Variants in KCNIP4 observed in about 807,000 individuals in gnomAD.
KCNIP4 encodes potassium voltage-gated channel interacting protein 4.
In KCNIP4, 12 loss-of-function variants were observed where a neutral mutation model predicts 34.0. The observed-to-expected ratio is 0.35, with a 90% CI of 0.23 to 0.57. The LOEUF (loss-of-function observed/expected upper bound fraction) is 0.57. Ranked by LOEUF, KCNIP4 falls within the 20% of genes least tolerant of loss-of-function variation. The pLI, the probability that KCNIP4 is intolerant of heterozygous loss-of-function variation, is 0.83. For missense variants in KCNIP4, 238 were observed against 311.7 expected (o/e 0.76, Z 1.78); for synonymous variants, 124 against 102.2 (o/e 1.21, Z -1.29).
chr4:21,787,086 G>A (rs752518821), intron 1 of KCNIP4, among the ~76,000 whole-genome samples: 4 of 151,966 alleles, frequency 2.6e-5, no homozygotes, highest in Non-Finnish European at 4.4e-5. Context: ...TTGAACACCC[G>A]ACATAACACC....
chr4:21,787,012 A>G lies in KCNIP4; in HGVS notation c.61+161559T>C, dbSNP rs373266728. Among the ~76,000 whole-genome samples, 4 of 152,330 alleles carry G rather than the reference A, an allele frequency of 2.6e-5. No individual in the cohort carries two copies. In the East Asian group the frequency reaches 7.7e-4, roughly 29 times the overall value. ...GATAAAACGAGATAAATATGTGTAT[A>G]GACAGTTTGAGCATCCCTAATCTGA... On this transcript the variant is annotated intron_variant, in intron 1 of 8. Coordinates refer to ENST00000382152, the MANE Select transcript of KCNIP4 (RefSeq NM_025221.6).
At position 20,999,139 on chromosome 4, in the gene KCNIP4, A is replaced by G. The variant is rs536314736; in HGVS notation, c.62-116430T>C. Among the ~76,000 whole-genome samples, 24 of 152,326 alleles carry G rather than the reference A, an allele frequency of 1.6e-4. No homozygotes were observed. In the South Asian group the frequency reaches 4.8e-3, roughly 30 times the overall value. On this transcript the variant is annotated intron_variant, in intron 1 of 8. Transcript: ENST00000382152. ...CATCATCTGAACAGAGCTCTTAAGT[A>G]TGAGCAGGGTCAGACAAAGATAGGA...
chr4:21,890,358 A>C (rs28542864), intron 1 of KCNIP4, among the ~76,000 whole-genome samples: 13,076 of 152,042 alleles, frequency 0.086, 1,893 homozygotes, highest in African/African-American at 0.3. Context: ...ATATGCTCTA[A>C]CTCTTGTGTA....
intron 3 of KCNIP4, among the ~76,000 whole-genome samples, chr4:20,791,396 ATT>A (rs1288165951): frequency 6.6e-6 from 1 of 152,144 alleles, no homozygotes; most frequent in East Asian, 1.9e-4. Context: ...TAAATAAAAT[ATT>A]TGTCTTTATT....
chr4:21,771,107 T>A (rs1341322438), intron 1 of KCNIP4, among the ~76,000 whole-genome samples: 1 of 152,192 alleles, frequency 6.6e-6, no homozygotes. Flanking sequence ...CCATCTTGAG[T>A]TGATTTTTGT....
chr4:21,742,640 G>T (rs1461342294), intron 1 of KCNIP4, among the ~76,000 whole-genome samples: 1 of 152,164 alleles, frequency 6.6e-6, no homozygotes, highest in East Asian at 1.9e-4. Flanking sequence ...ATTTGGTCAA[G>T]TTAATGGTAT....
chr4:21,516,763 G>C (rs1044030931), intron 1 of KCNIP4, among the ~76,000 whole-genome samples: 1 of 152,138 alleles, frequency 6.6e-6, no homozygotes, highest in South Asian at 2.1e-4. Context: ...AGCAACACAT[G>C]AAGTTTAGGA....
intron 1 of KCNIP4, among the ~76,000 whole-genome samples, chr4:20,892,381 ATCTG>A (rs1726009875): frequency 1.3e-5 from 2 of 151,820 alleles, no homozygotes; most frequent in Middle Eastern, 3.4e-3. Flanking sequence ...CCATCTCTCT[ATCTG>A]TCTTTCTGTC....
chr4:21,783,365 G>A (rs1719693721), intron 1 of KCNIP4, among the ~76,000 whole-genome samples: 1 of 151,752 alleles, frequency 6.6e-6, no homozygotes, highest in Non-Finnish European at 1.5e-5. Flanking sequence ...GAGAAACAAA[G>A]CACCAGAGAG....
rs1711829208 is a variant in KCNIP4 at position 21,302,319 on chromosome 4, C to T, written c.62-419610G>A. On this transcript the variant is annotated intron_variant, in intron 1 of 8. Transcript: ENST00000382152. ...CCAAATCCAGATTCAAAGCCTTCCA[C>T]ACAAGAGCTGAAAGAATGGCCACAC... Among the ~76,000 whole-genome samples, 6 of 152,256 alleles carry T rather than the reference C, an allele frequency of 3.9e-5. No individual in the cohort carries two copies. In the South Asian group the frequency reaches 6.2e-4, roughly 16 times the overall value.
intron 1 of KCNIP4, among the ~76,000 whole-genome samples, chr4:21,374,541 T>C (rs1720795641): frequency 6.8e-6 from 1 of 147,176 alleles, no homozygotes; most frequent in African/African-American, 2.7e-5. Context: ...GGGACATAGC[T>C]AAATCATATC....
rs146661306 is a variant in KCNIP4, at chr4:20,980,331, G to A, written c.62-97622C>T. On this transcript the variant is annotated intron_variant, in intron 1 of 8. Transcript: ENST00000382152. ...TACAAACTAAAGTATGAAATGATGA[G>A]CTTAATCTCATGAGTGTTCTTTCTC... Among the ~76,000 whole-genome samples, 63 of 152,286 alleles carry A rather than the reference G, an allele frequency of 4.1e-4. 1 individual carries two copies. The East Asian group carries it at 0.012, about 28-fold the overall frequency.
intron 1 of KCNIP4, among the ~76,000 whole-genome samples, chr4:20,975,255 T>C (rs1467480024): frequency 6.6e-6 from 1 of 152,234 alleles, no homozygotes; most frequent in Non-Finnish European, 1.5e-5. Flanking sequence ...GTTCATTGAA[T>C]GTATGTGTCC....
intron 1 of KCNIP4, among the ~76,000 whole-genome samples, chr4:21,200,678 A>G (rs928711944): frequency 6.6e-6 from 1 of 151,548 alleles, no homozygotes; most frequent in African/African-American, 2.4e-5. Context: ...AAAATTATCT[A>G]TTGGGTACGA....
intron 1 of KCNIP4, among the ~76,000 whole-genome samples, chr4:21,405,621 A>T (rs547047836): frequency 6.6e-6 from 1 of 152,216 alleles, no homozygotes; most frequent in Non-Finnish European, 1.5e-5. Flanking sequence ...TCAAAGAAAT[A>T]ACATCTTTTA....
intron 1 of KCNIP4, among the ~76,000 whole-genome samples, chr4:21,449,837 C>T (rs960717265): frequency 9.9e-5 from 15 of 151,898 alleles, no homozygotes; most frequent in South Asian, 4.2e-4. Flanking sequence ...ATTTTCCTTA[C>T]GTATATCCTC....
At chr4:21,270,526 C>T (rs987872806) in intron 1 of KCNIP4, among the ~76,000 whole-genome samples, 1 of 152,148 alleles carries the variant, frequency 6.6e-6, no homozygotes, top group African/African-American at 2.4e-5. Flanking sequence ...TCAACTTTAA[C>T]TGTAGAAAAT....
At chr4:21,936,567 C>A (rs1288329487) in intron 1 of KCNIP4, among the ~76,000 whole-genome samples, 1 of 151,912 alleles carries the variant, frequency 6.6e-6, no homozygotes, top group Non-Finnish European at 1.5e-5. Context: ...CAACAGAGAC[C>A]CAAATGAAGT....
intron 1 of KCNIP4, chr4:21,849,826 A>C (rs932283495): frequency 6.6e-6 from 1 of 151,996 alleles, no homozygotes; most frequent in Non-Finnish European, 1.5e-5. Context: ...CATATTATCA[A>C]ATTTTGATAA....
Sources: gnomAD v4.1 joint callset for allele counts (sites outside exome capture counted in the v4.1 genomes callset) on GRCh38, gnomAD v4.1.1 for gene constraint, MANE v1.5 for transcripts, NCBI Gene and HGNC (gene_info 2026-07-23, HGNC 2026-07-21) for gene names.